CEP128: variants seen among roughly 807,000 people sequenced by gnomAD.
CEP128 encodes the protein centrosomal protein 128kDa.
A neutral mutation model predicts 156.7 loss-of-function variants in CEP128; 132 were observed. The ratio of observed to expected loss-of-function variants is 0.84; its 90% confidence interval spans 0.73 to 0.97. The LOEUF is 0.97. Ranked by LOEUF, CEP128 falls within the 50% of genes least tolerant of loss-of-function variation. The pLI, the probability that CEP128 is intolerant of heterozygous loss-of-function variation, is 0.00. For synonymous variants in CEP128, 469 were observed against 448.9 expected, an observed-to-expected ratio of 1.04 and a Z score of -0.57; for missense variants, 1,252 against 1,281.9, an observed-to-expected ratio of 0.98 and a Z score of 0.36.
intron 21 of CEP128, among the ~76,000 whole-genome samples, chr14:80,551,320 G>A (rs1167396002): frequency 6.6e-6 from 1 of 152,122 alleles, no homozygotes; most frequent in Non-Finnish European, 1.5e-5. Flanking sequence ...TATACAGAAA[G>A]GGCTGAGACA....
chr14:80,759,795 C>T (rs1193450401), intron 17 of CEP128, among the ~76,000 whole-genome samples: 1 of 151,940 alleles, frequency 6.6e-6, no homozygotes, highest in Non-Finnish European at 1.5e-5. Flanking sequence ...ATTTGTGACT[C>T]ATAAAGAAAT....
At chr14:80,823,004 C>G (rs1391371388) in intron 13 of CEP128, among the ~76,000 whole-genome samples, 1 of 152,152 alleles carries the variant, frequency 6.6e-6, no homozygotes, top group Non-Finnish European at 1.5e-5. Flanking sequence ...GGGGAAAACA[C>G]CTTTCCCTTC....
At chr14:80,614,836 T>C (rs192858611) in intron 19 of CEP128, among the ~76,000 whole-genome samples, 71 of 152,220 alleles carry the variant, frequency 4.7e-4, no homozygotes, top group Non-Finnish European at 7.9e-4. Context: ...AAATCACTAA[T>C]TTACATGTCT....
chr14:80,594,943 A>T (rs949594455), intron 19 of CEP128, among the ~76,000 whole-genome samples: 1 of 152,200 alleles, frequency 6.6e-6, no homozygotes, highest in Admixed American at 6.5e-5. Flanking sequence ...AGAACCAGAA[A>T]TATCATTTGA....
intron 19 of CEP128, among the ~76,000 whole-genome samples, chr14:80,714,853 A>T (rs1897545293): frequency 6.6e-6 from 1 of 152,186 alleles, no homozygotes; most frequent in Non-Finnish European, 1.5e-5. Context: ...CATCTTATCA[A>T]AAAAGCAATT....
chr14:80,908,190 C>T (rs374269592), intron 4 of CEP128, among the ~76,000 whole-genome samples: 2 of 152,026 alleles, frequency 1.3e-5, no homozygotes, highest in African/African-American at 4.8e-5. Context: ...CATTTCCGAC[C>T]CACAGAGATC....
intron 19 of CEP128, among the ~76,000 whole-genome samples, chr14:80,602,210 T>C (rs1160178914): frequency 1.3e-5 from 2 of 152,032 alleles, no homozygotes; most frequent in East Asian, 1.9e-4. Flanking sequence ...ATGGACAGAA[T>C]TGAGGGTAAA....
At chr14:80,559,347 A>T (rs768070315) in intron 20 of CEP128, 45 bp from the exon 21 acceptor site, 3 of 1,501,948 alleles carry the variant, frequency 2.0e-6, no homozygotes, top group Non-Finnish European at 2.7e-6. Context: ...AAGGCTGTTT[A>T]AAATTGTTTC....
intron 13 of CEP128, among the ~76,000 whole-genome samples, chr14:80,814,373 G>A (rs1215167777): frequency 1.3e-5 from 2 of 151,772 alleles, no homozygotes; most frequent in African/African-American, 2.4e-5. Flanking sequence ...ATTATTCAGA[G>A]TAAATATTTT....
chr14:80,638,238 T>C (rs1894268338), intron 19 of CEP128, among the ~76,000 whole-genome samples: 1 of 152,176 alleles, frequency 6.6e-6, no homozygotes, highest in South Asian at 2.1e-4. Context: ...CCTCCAAGTG[T>C]CATTTCTTTC....
chr14:80,804,133 T>C (rs71416850), intron 13 of CEP128, among the ~76,000 whole-genome samples: 14,815 of 151,338 alleles, frequency 0.098, 1,217 homozygotes, highest in East Asian at 0.43. Context: ...TTTAATCATT[T>C]TTAAATAATT....
downstream of CEP128, among the ~76,000 whole-genome samples, chr14:80,486,680 A>G (rs984812375): frequency 2.6e-5 from 4 of 152,156 alleles, no homozygotes; most frequent in Non-Finnish European, 5.9e-5. Context: ...CTCAGCAGAA[A>G]CTCTACAAGC....
intron 13 of CEP128, chr14:80,822,862 A>G: frequency 1.5e-6 from 1 of 670,306 alleles, no homozygotes; most frequent in Non-Finnish European, 2.7e-6. Flanking sequence ...ACTATTTTTT[A>G]TCAAGTTTTA....
At chr14:80,828,123 C>CTTT (rs1008856396) in intron 13 of CEP128, among the ~76,000 whole-genome samples, 1,402 of 126,950 alleles carry the variant, frequency 0.011, 60 homozygotes, top group African/African-American at 0.042. Flanking sequence ...CTTCTTTTTT[C>CTTT]TTTTTTTTTT....
At chr14:80,946,203 A>G (rs997204324), upstream of CEP128, among the ~76,000 whole-genome samples, 1 of 152,158 alleles carries the variant, frequency 6.6e-6, no homozygotes, top group African/African-American at 2.4e-5. Flanking sequence ...CTGACATTAT[A>G]TGTAGGCTGA....
At chr14:80,645,068 A>G (rs1894578457) in intron 19 of CEP128, among the ~76,000 whole-genome samples, 2 of 152,146 alleles carry the variant, frequency 1.3e-5, no homozygotes, top group African/African-American at 2.4e-5. Context: ...AACATTCTGC[A>G]TCCCAGATTT....
intron 19 of CEP128, among the ~76,000 whole-genome samples, chr14:80,729,793 A>C (rs1566881633): frequency 6.6e-6 from 1 of 152,162 alleles, no homozygotes; most frequent in Non-Finnish European, 1.5e-5. Flanking sequence ...ATTTAATTGA[A>C]ATTACATTTA....
At chr14:80,584,679 A>G (rs936448539) in intron 19 of CEP128, among the ~76,000 whole-genome samples, 3 of 152,216 alleles carry the variant, frequency 2.0e-5, no homozygotes, top group African/African-American at 7.2e-5. Flanking sequence ...GCAAACAGAC[A>G]AAACACAAGA....
chr14:80,537,421 G>A (rs1054833086), intron 21 of CEP128, among the ~76,000 whole-genome samples: 1 of 152,108 alleles, frequency 6.6e-6, no homozygotes, highest in Non-Finnish European at 1.5e-5. Flanking sequence ...CTCTTTCCCA[G>A]AGGATTCTTG....
Sources: allele counts gnomAD v4.1 joint callset (sites outside exome capture counted in the v4.1 genomes callset), GRCh38; gene constraint gnomAD v4.1.1; transcripts MANE v1.5; gene names NCBI Gene and HGNC (gene_info 2026-07-23, HGNC 2026-07-21).